Variants in PACRGL observed in about 807,000 individuals in gnomAD.
The protein encoded by PACRGL is parkin coregulated like.
PACRGL carries 38 observed loss-of-function variants against 34.5 expected under a neutral mutation model. The observed-to-expected ratio is 1.10, with a 90% CI of 0.85 to 1.44. The LOEUF (loss-of-function observed/expected upper bound fraction) is 1.44, where lower values mean the gene tolerates loss of function less well. PACRGL is among the 40% of genes most tolerant of loss of function. The pLI is 0.00. For synonymous variants in PACRGL, 128 were observed against 100.1 expected (o/e 1.28, Z -1.66); for missense variants, 305 against 281.4 (o/e 1.08, Z -0.60).
downstream of PACRGL, chr4:20,734,800 A>ACAAG (rs2149274501): frequency 3.1e-6 from 3 of 954,444 alleles, no homozygotes; most frequent in Non-Finnish European, 4.8e-6. Flanking sequence ...AAAAAAACAA[A>ACAAG]TGATGTAAGT....
chr4:20,757,991 T>G, the PACRGL span, among the ~76,000 whole-genome samples: 74,666 of 151,904 alleles, frequency 0.49, 18,787 homozygotes, highest in Middle Eastern at 0.57. Context: ...TATACTTGAG[T>G]TTGACATTGT....
At chr4:20,766,185 ACTGT>A in the PACRGL span, among the ~76,000 whole-genome samples, 2 of 152,160 alleles carry the variant, frequency 1.3e-5, no homozygotes, top group African/African-American at 4.8e-5. Flanking sequence ...AAATGAATGA[ACTGT>A]CTTAGAGAGG....
chr4:20,734,558 C>CAATT, downstream of PACRGL: 4 of 731,068 alleles, frequency 5.5e-6, no homozygotes, highest in Non-Finnish European at 8.6e-6. Context: ...TTAATAATTG[C>CAATT]AATTAATATT....
the PACRGL span, among the ~76,000 whole-genome samples, chr4:20,759,322 CA>C: frequency 6.6e-6 from 1 of 152,170 alleles, no homozygotes. Flanking sequence ...ACTCTATTGG[CA>C]TCTCTAGTGG....
At chr4:20,723,510 A>G (rs1196364048) in intron 7 of PACRGL, among the ~76,000 whole-genome samples, 1 of 150,960 alleles carries the variant, frequency 6.6e-6, no homozygotes, top group Non-Finnish European at 1.5e-5. Context: ...ATTGGGATGG[A>G]GTCAAAGGGA....
intron 8 of PACRGL, among the ~76,000 whole-genome samples, chr4:20,745,732 ATTCTGTTCATC>A (rs1170536691): frequency 4.6e-5 from 7 of 152,190 alleles, no homozygotes; most frequent in African/African-American, 1.7e-4. Context: ...TCAGTTGTGG[ATTCTGTTCATC>A]TGCCAAACCT....
downstream of PACRGL, among the ~76,000 whole-genome samples, chr4:20,732,946 A>C (rs1327595682): frequency 6.6e-6 from 1 of 152,208 alleles, no homozygotes; most frequent in African/African-American, 2.4e-5. Flanking sequence ...AAAAGGCAAC[A>C]AACAGCTTTC....
At chr4:20,707,898 C>T (rs1470636369) in intron 4 of PACRGL, 28 bp downstream of exon 4, 3 of 1,472,952 alleles carry the variant, frequency 2.0e-6, no homozygotes. Flanking sequence ...TATAACTGAC[C>T]AAATTATTCA....
chr4:20,699,574 C>G (rs1219832936), upstream of PACRGL, among the ~76,000 whole-genome samples: 2 of 152,186 alleles, frequency 1.3e-5, no homozygotes, highest in African/African-American at 4.8e-5. Context: ...GGTCAAGTAG[C>G]AAGGATGGAG....
chr4:20,732,973 G>A (rs901284305), downstream of PACRGL, among the ~76,000 whole-genome samples: 5 of 152,118 alleles, frequency 3.3e-5, no homozygotes, highest in African/African-American at 9.7e-5. Flanking sequence ...AAGAGCAGAA[G>A]AATCAGAATT....
downstream of PACRGL, among the ~76,000 whole-genome samples, chr4:20,733,136 G>A (rs772248074): frequency 7.9e-5 from 12 of 152,086 alleles, no homozygotes; most frequent in Admixed American, 5.9e-4. Context: ...CTTATGTGTT[G>A]ATCATCAGTT....
In PACRGL at chr4:20,724,841, G is replaced by A. The variant is rs760589078; in HGVS notation, c.643G>A (p.Glu215Lys). 419 of 1,500,956 alleles carry A rather than the reference G, an allele frequency of 2.8e-4. No homozygotes were observed. Among genetic ancestry groups the A allele is most frequent in the Non-Finnish European group, 3.5e-4 (394 of 1,133,980 alleles). 93.0% of individuals were successfully genotyped at this position (1,500,956 alleles called of 1,614,324 possible). A position where few individuals can be genotyped will look rare whatever the true frequency, so the allele number is the denominator to read the frequency against. Residue 215 changes from glutamate to lysine, a missense_variant, in exon 8 of 9, where the codon GAG becomes AAG. Physicochemically the swap from Glu to Lys is moderately conservative, Grantham distance 56. Coordinates refer to ENST00000503585, the MANE Select transcript of PACRGL (RefSeq NM_001258345.3). The stretch of plus-strand genomic sequence containing the variant: ...GAGATTAATGGACAAGAAATTCAAA[G>A]AGCCAATCACCAGCGCATTACAAAA... ...SKRLMDKKFK[E>K]PITSALQKLE...
chr4:20,727,502 A>G lies in PACRGL; in HGVS notation c.*161A>G. 1 of 557,832 alleles carries G rather than the reference A, an allele frequency of 1.8e-6. No individual in the cohort carries two copies. The highest frequency in any genetic ancestry group is 3.5e-4 in the Middle Eastern group (1 of 2,890). 34.6% of individuals were successfully genotyped at this position (557,832 alleles called of 1,614,324 possible). ...AATCAAAGTTATTCATCAACAAAAA[A>G]GAACAGTTACTAATGGAAAGTTATT... On this transcript the variant is annotated 3_prime_UTR_variant, in exon 9 of 9. Coordinates refer to ENST00000503585, the MANE Select transcript of PACRGL (RefSeq NM_001258345.3).
chr4:20,697,402 C>A (rs1056374656), upstream of PACRGL, among the ~76,000 whole-genome samples: 19 of 151,982 alleles, frequency 1.3e-4, 1 homozygote, highest in Admixed American at 1.0e-3. Flanking sequence ...TTTCACAAGT[C>A]AATGAGAACC....
At chr4:20,745,607 C>CAAAA (rs1002889518) in intron 8 of PACRGL, among the ~76,000 whole-genome samples, 6 of 152,046 alleles carry the variant, frequency 3.9e-5, no homozygotes, top group African/African-American at 1.4e-4. Context: ...CCCTAAAGTA[C>CAAAA]AAAAAATGAT....
the PACRGL span, among the ~76,000 whole-genome samples, chr4:20,761,534 G>T: frequency 6.6e-6 from 1 of 152,168 alleles, no homozygotes. Context: ...AGTTGCTTGG[G>T]ATAGTAAGGA....
chr4:20,751,261 A>T (rs2149342744), intron 8 of PACRGL, among the ~76,000 whole-genome samples: 1 of 152,330 alleles, frequency 6.6e-6, no homozygotes, highest in East Asian at 1.9e-4. Context: ...GGGTCTAAAT[A>T]ACATGTAACA....
At chr4:20,749,913 A>C (rs970736853) in intron 8 of PACRGL, among the ~76,000 whole-genome samples, 2 of 152,174 alleles carry the variant, frequency 1.3e-5, no homozygotes, top group Non-Finnish European at 2.9e-5. Flanking sequence ...TCACAGGAAG[A>C]AGCAACCTAC....
chr4:20,723,858 G>A (rs1290960102), intron 7 of PACRGL, among the ~76,000 whole-genome samples: 1 of 152,044 alleles, frequency 6.6e-6, no homozygotes, highest in Non-Finnish European at 1.5e-5. Context: ...TTGTGTGAGG[G>A]TTAGTTCCTG....
Sources: gnomAD v4.1 joint callset for allele counts (sites outside exome capture counted in the v4.1 genomes callset) on GRCh38, gnomAD v4.1.1 for gene constraint, MANE v1.5 for transcripts, NCBI Gene and HGNC (gene_info 2026-07-23, HGNC 2026-07-21) for gene names.